CDC73: variants seen among roughly 807,000 people sequenced by gnomAD.
CDC73 encodes the protein parafibromin.
A neutral mutation model predicts 83.7 loss-of-function variants in CDC73; 21 were observed. The ratio of observed to expected loss-of-function variants is 0.25; its 90% CI spans 0.18 to 0.36. CDC73 has a LOEUF of 0.36. Ranked by LOEUF, CDC73 falls within the 10% of genes least tolerant of loss-of-function variation. The pLI, the probability that CDC73 is intolerant of heterozygous loss-of-function variation, is 1.00. For synonymous variants in CDC73, 224 were observed against 212.9 expected, an observed-to-expected ratio of 1.05 and a Z score of -0.45; for missense variants, 342 against 653.3, an observed-to-expected ratio of 0.52 and a Z score of 5.19.
intron 10 of CDC73, among the ~76,000 whole-genome samples, chr1:193,187,305 G>A (rs190892574): frequency 2.4e-4 from 36 of 151,718 alleles, no homozygotes; most frequent in Admixed American, 1.6e-3. Flanking sequence ...TACATGTATC[G>A]TAGAATTCAG....
At chr1:193,219,475 A>G (rs1677428105) in intron 13 of CDC73, among the ~76,000 whole-genome samples, 1 of 152,230 alleles carries the variant, frequency 6.6e-6, no homozygotes. Context: ...TACAATATTA[A>G]AGACATGGAA....
At chr1:193,208,169 C>T (rs1342905152) in intron 11 of CDC73, among the ~76,000 whole-genome samples, 1 of 152,186 alleles carries the variant, frequency 6.6e-6, no homozygotes, top group African/African-American at 2.4e-5. Context: ...TTTCCTTACT[C>T]CTTTTCTGTT....
intron 10 of CDC73, among the ~76,000 whole-genome samples, chr1:193,176,706 T>A (rs997807833): frequency 6.6e-6 from 1 of 152,192 alleles, no homozygotes; most frequent in Non-Finnish European, 1.5e-5. Flanking sequence ...TAGTGAAATT[T>A]CCTAGTTAAA....
chr1:193,254,086 G>A lies in CDC73; in HGVS notation c.*3374G>A, dbSNP rs1678092038. Among the ~76,000 whole-genome samples the A allele has an allele frequency of 1.3e-5, 2 of 151,740 alleles. No individual in the cohort carries two copies. Among genetic ancestry groups the A allele is most frequent in the Non-Finnish European group, 3.0e-5 (2 of 67,786 alleles). On this transcript the variant is annotated 3_prime_UTR_variant, in exon 17 of 17. Coordinates refer to ENST00000367435, the MANE Select transcript of CDC73 (RefSeq NM_024529.5). The stretch of plus-strand genomic sequence containing the variant: ...TAAACTTTGTGTTTTGAAATTGCTT[G>A]TTTAAATGCAAAATTATGAGTAAGA...
chr1:193,233,306 C>T lies in CDC73; in HGVS notation c.1316+152C>T. 1.3e-5 allele frequency: 9 copies of T among 714,724 alleles called. No individual in the cohort carries two copies. In the South Asian group the frequency reaches 1.3e-4, roughly 10 times the overall value. 44.3% of individuals were successfully genotyped at this position (714,724 alleles called of 1,614,324 possible). ...GAACTCCTGGGCTCTGTCAGTCCTCCTGCCTCAGGCTCCCAAATAGCTAGG... is the reference window on the plus strand; with the variant it reads ...GAACTCCTGGGCTCTGTCAGTCCTCTTGCCTCAGGCTCCCAAATAGCTAGG... On this transcript the variant is annotated intron_variant, in intron 14 of 16. Transcript: ENST00000367435.
At chr1:193,151,953 A>G (rs986865101) in intron 9 of CDC73, among the ~76,000 whole-genome samples, 2 of 152,110 alleles carry the variant, frequency 1.3e-5, no homozygotes, top group Non-Finnish European at 2.9e-5. Context: ...ATATATATGT[A>G]TGTATGTATA....
At chr1:193,215,189 A>T (rs1304271766) in intron 13 of CDC73, among the ~76,000 whole-genome samples, 1 of 152,222 alleles carries the variant, frequency 6.6e-6, no homozygotes, top group Non-Finnish European at 1.5e-5. Flanking sequence ...GTTAGCCTTT[A>T]AAAGCTTTAT....
intron 10 of CDC73, among the ~76,000 whole-genome samples, chr1:193,203,254 C>G (rs1677122384): frequency 6.6e-6 from 1 of 152,098 alleles, no homozygotes; most frequent in Non-Finnish European, 1.5e-5. Context: ...AAGATACTCT[C>G]ATCTGCTCTT....
chr1:193,151,943 AT>A (rs1262672093), intron 9 of CDC73, among the ~76,000 whole-genome samples: 2 of 152,170 alleles, frequency 1.3e-5, no homozygotes, highest in Non-Finnish European at 2.9e-5. Context: ...AAAAGAAAAA[AT>A]ATATATGTAT....
intron 15 of CDC73, among the ~76,000 whole-genome samples, chr1:193,237,476 AC>A (rs762178528): frequency 1.3e-4 from 20 of 152,166 alleles, no homozygotes; most frequent in Admixed American, 7.9e-4. Flanking sequence ...GGATTCTCTT[AC>A]CCGGAGCCTG....
chr1:193,163,556 A>C (rs1397815551), intron 10 of CDC73, among the ~76,000 whole-genome samples: 1 of 152,102 alleles, frequency 6.6e-6, no homozygotes, highest in African/African-American at 2.4e-5. Flanking sequence ...GAACGTAACT[A>C]TTTAAATAAC....
At chr1:193,180,532 A>G in intron 10 of CDC73, 1 of 1,614,090 alleles carries the variant, frequency 6.2e-7, no homozygotes, top group Non-Finnish European at 8.5e-7. Context: ...ACAGATCCCT[A>G]CATATACATC....
At chr1:193,224,618 T>C (rs1243117853) in intron 13 of CDC73, among the ~76,000 whole-genome samples, 7 of 152,072 alleles carry the variant, frequency 4.6e-5, no homozygotes, top group Admixed American at 3.3e-4. Context: ...ATATGAAATA[T>C]GCATTCACAT....
rs115727390 is a variant in CDC73 at position 193,200,610 on chromosome 1, C to T, written c.973-3185C>T. Among the ~76,000 whole-genome samples, 1,448 of 152,310 alleles carry T rather than the reference C, an allele frequency of 9.5e-3. 15 individuals are homozygous for T. Among genetic ancestry groups the T allele is most frequent in the South Asian group, 0.034 (163 of 4,828 alleles). The stretch of plus-strand genomic sequence containing the variant: ...AAAGCAGGTTTTCCTCTCCACTTAG[C>T]ACAACTTGTCAGCTCTTTTGTTTTT... On this transcript the variant is annotated intron_variant, in intron 10 of 16. Coordinates refer to ENST00000367435, the MANE Select transcript of CDC73 (RefSeq NM_024529.5).
chr1:193,180,566 C>T (rs1676696991), intron 10 of CDC73: 8 of 1,614,066 alleles, frequency 5.0e-6, no homozygotes, highest in Non-Finnish European at 6.8e-6. Context: ...CGGCGGATAC[C>T]TAAAGAAACT....
intron 15 of CDC73, among the ~76,000 whole-genome samples, chr1:193,236,620 C>T (rs1677763439): frequency 1.3e-5 from 2 of 152,080 alleles, no homozygotes; most frequent in Admixed American, 6.5e-5. Context: ...ATTGGCCAGA[C>T]ACAGTGGCTC....
Position 193,210,359 on chromosome 1 carries a change from A to G in CDC73, c.1031-1706A>G, listed in dbSNP as rs146191890. ...CACTTTAAAGATGGTATCCATTTTT[A>G]AGAACTGACATTGAATTAGAATTTT... On this transcript the variant is annotated intron_variant, in intron 11 of 16. Coordinates refer to ENST00000367435, the MANE Select transcript of CDC73 (RefSeq NM_024529.5). Among the ~76,000 whole-genome samples, 248 of 152,356 alleles carry G rather than the reference A, an allele frequency of 1.6e-3. 1 individual carries two copies. The highest frequency in any genetic ancestry group is 5.8e-3 in the African/African-American group (240 of 41,592).
At chr1:193,230,457 ATTTTTTTTTTTTTTTTTT>A (rs752027731) in intron 13 of CDC73, among the ~76,000 whole-genome samples, 5 of 90,720 alleles carry the variant, frequency 5.5e-5, no homozygotes, top group African/African-American at 2.5e-4. Flanking sequence ...CTAATCCCGT[ATTTTTTTTTTTTTTTTTT>A]TTTTTTTTTT....
chr1:193,199,217 A>G (rs576976926), intron 10 of CDC73, among the ~76,000 whole-genome samples: 1 of 152,154 alleles, frequency 6.6e-6, no homozygotes, highest in East Asian at 1.9e-4. Flanking sequence ...CCTCATTGTA[A>G]TTTGTCCCCA....
Sources: allele counts gnomAD v4.1 joint callset (sites outside exome capture counted in the v4.1 genomes callset), GRCh38; gene constraint gnomAD v4.1.1; transcripts MANE v1.5; gene names NCBI Gene and HGNC (gene_info 2026-07-23, HGNC 2026-07-21).